The following CCDC171 variants were observed in gnomAD, a reference collection of about 807,000 sequenced individuals.
CCDC171 encodes the protein coiled-coil domain-containing protein 171.
CCDC171 carries 177 observed loss-of-function variants against 168.2 expected under a neutral mutation model. The ratio of observed to expected loss-of-function variants is 1.05; its 90% CI spans 0.93 to 1.19. The LOEUF is 1.19. Among genes scored for constraint, CCDC171 ranks in the 50% most tolerant of loss-of-function variants. The probability of loss-of-function intolerance (pLI) is 0.00; values close to 1 mark genes in which losing one functional copy is unlikely to be tolerated. For synonymous variants in CCDC171, 687 were observed against 540.8 expected, an observed-to-expected ratio of 1.27 and a Z score of -3.75; for missense variants, 1,991 against 1,539.0, an observed-to-expected ratio of 1.29 and a Z score of -4.91.
chr9:15,622,794 C>T (rs1286062673), intron 6 of CCDC171, among the ~76,000 whole-genome samples: 2 of 152,136 alleles, frequency 1.3e-5, no homozygotes, highest in African/African-American at 2.4e-5. Context: ...ACACAGCCAT[C>T]TAGTGGATGC....
chr9:15,916,552 A>G (rs1203608053), intron 24 of CCDC171, among the ~76,000 whole-genome samples: 1 of 151,908 alleles, frequency 6.6e-6, no homozygotes, highest in Non-Finnish European at 1.5e-5. Flanking sequence ...ATTTTTCACT[A>G]TTTTCTTCTT....
chr9:15,868,736 C>T (rs755655908), intron 23 of CCDC171, among the ~76,000 whole-genome samples: 5 of 151,906 alleles, frequency 3.3e-5, no homozygotes, highest in Admixed American at 6.6e-5. Flanking sequence ...GATATTAAAA[C>T]GCATTATTGT....
intron 10 of CCDC171, among the ~76,000 whole-genome samples, chr9:15,688,118 C>CAAA (rs33945014): frequency 1.4e-4 from 13 of 94,894 alleles, no homozygotes; most frequent in African/African-American, 5.1e-4. Flanking sequence ...GACTCCATCT[C>CAAA]AAAAAAAAAA....
intron 25 of CCDC171, among the ~76,000 whole-genome samples, chr9:15,969,162 T>G (rs1831103392): frequency 6.6e-6 from 1 of 152,182 alleles, no homozygotes; most frequent in Non-Finnish European, 1.5e-5. Context: ...CATTTCAAGG[T>G]TATTTAGTCA....
At chr9:15,930,247 C>A (rs1826352093) in intron 25 of CCDC171, among the ~76,000 whole-genome samples, 1 of 151,574 alleles carries the variant, frequency 6.6e-6, no homozygotes, top group Admixed American at 6.6e-5. Context: ...TTTCCCACAC[C>A]AAATTTTCTT....
chr9:15,940,748 C>T (rs1421504380), intron 25 of CCDC171, among the ~76,000 whole-genome samples: 1 of 151,870 alleles, frequency 6.6e-6, no homozygotes, highest in Admixed American at 6.6e-5. Flanking sequence ...ACTGTGGAGT[C>T]AAGAGCTAAG....
the CCDC171 span, among the ~76,000 whole-genome samples, chr9:16,097,258 C>A: frequency 1.3e-5 from 2 of 152,162 alleles, no homozygotes; most frequent in Non-Finnish European, 2.9e-5. Flanking sequence ...AAATTGGTTC[C>A]CACTTAGGTC....
At position 15,744,222 on chromosome 9, in the gene CCDC171, A is replaced by G. The variant is rs530030415; in HGVS notation, c.2050-51A>G. On this transcript the variant is annotated intron_variant, in intron 16 of 25. Transcript: ENST00000380701. Reference sequence around the variant, plus strand: ...TTTCTTTGAGTAAAGGGAAATTAATATAATGCCTGTTTGTTTCATGATCAA... The same window carrying G: ...TTTCTTTGAGTAAAGGGAAATTAATGTAATGCCTGTTTGTTTCATGATCAA... The G allele has an allele frequency of 7.0e-5, 100 of 1,423,100 alleles. No individual in the cohort carries two copies. The East Asian group carries it at 2.3e-3, about 33-fold the overall frequency. 88.2% of individuals were successfully genotyped at this position (1,423,100 alleles called of 1,614,324 possible).
intron 16 of CCDC171, among the ~76,000 whole-genome samples, chr9:15,743,290 C>G (rs753499276): frequency 6.6e-6 from 1 of 151,414 alleles, no homozygotes; most frequent in Non-Finnish European, 1.5e-5. Context: ...CTCAGCCTCC[C>G]GAGTAGCTGT....
chr9:15,591,601 C>A, intron 5 of CCDC171, 45 bp downstream of exon 5: 1 of 1,074,840 alleles, frequency 9.3e-7, no homozygotes, highest in Non-Finnish European at 1.4e-6. Flanking sequence ...GTAATATTCA[C>A]CGAGATGTGT....
Position 15,917,815 on chromosome 9 carries a change from A to T in CCDC171, c.3601-2455A>T, listed in dbSNP as rs578086647. ...ATAATAATCCAGGAGCCTATTACTG[A>T]TGGAAGGGAACTTTCTTACCATTCA... On this transcript the variant is annotated intron_variant, in intron 24 of 25. Transcript: ENST00000380701. Among the ~76,000 whole-genome samples, 4 of 151,806 alleles carry T rather than the reference A, an allele frequency of 2.6e-5. No homozygotes were observed. The South Asian group carries it at 8.3e-4, about 32-fold the overall frequency.
intron 1 of CCDC171, among the ~76,000 whole-genome samples, chr9:16,046,197 G>A (rs1833656361): frequency 6.6e-6 from 1 of 152,108 alleles, no homozygotes; most frequent in South Asian, 2.1e-4. Context: ...TTAGAAAGAG[G>A]AATATTTTCA....
At chr9:15,977,331 G>A (rs886753875), downstream of CCDC171, among the ~76,000 whole-genome samples, 1 of 152,120 alleles carries the variant, frequency 6.6e-6, no homozygotes, top group Non-Finnish European at 1.5e-5. Flanking sequence ...TGGACGTTGC[G>A]ATGGGAAAAT....
At chr9:16,077,063 A>G in the CCDC171 span, among the ~76,000 whole-genome samples, 2 of 152,232 alleles carry the variant, frequency 1.3e-5, no homozygotes, top group Admixed American at 6.5e-5. Flanking sequence ...GACTGAGGAA[A>G]AAAGCAAATA....
chr9:15,646,346 A>G (rs1382260964), intron 7 of CCDC171, among the ~76,000 whole-genome samples: 3 of 152,204 alleles, frequency 2.0e-5, no homozygotes, highest in Non-Finnish European at 2.9e-5. Flanking sequence ...GCATCAACTA[A>G]TGAGCAAAAT....
chr9:15,904,107 A>T (rs1457753380), intron 24 of CCDC171, among the ~76,000 whole-genome samples: 1 of 152,220 alleles, frequency 6.6e-6, no homozygotes, highest in Non-Finnish European at 1.5e-5. Context: ...ACTCTTCAGG[A>T]TATTATACAG....
chr9:15,765,281 T>C (rs1196741842), intron 18 of CCDC171, among the ~76,000 whole-genome samples: 1 of 152,124 alleles, frequency 6.6e-6, no homozygotes, highest in African/African-American at 2.4e-5. Flanking sequence ...GAGCAATATT[T>C]AGGGGTCAAG....
At chr9:15,653,829 C>T (rs2047718139) in intron 7 of CCDC171, among the ~76,000 whole-genome samples, 1 of 151,980 alleles carries the variant, frequency 6.6e-6, no homozygotes, top group South Asian at 2.1e-4. Context: ...GTTGCCCAGG[C>T]TGGTCTCAAA....
chr9:15,947,793 G>A (rs973280744), intron 25 of CCDC171, among the ~76,000 whole-genome samples: 6 of 151,416 alleles, frequency 4.0e-5, no homozygotes, highest in Admixed American at 6.6e-5. Context: ...GGGCATACAA[G>A]TATGCTTCCA....
Sources: allele counts gnomAD v4.1 joint callset (sites outside exome capture counted in the v4.1 genomes callset), GRCh38; gene constraint gnomAD v4.1.1; transcripts MANE v1.5; gene names NCBI Gene and HGNC (gene_info 2026-07-23, HGNC 2026-07-21).